SUPT3H: variants seen among roughly 807,000 people sequenced by gnomAD.
SUPT3H encodes SPT3 homolog, SAGA and STAGA complex component.
In SUPT3H, 44 loss-of-function variants were observed where a neutral mutation model predicts 44.3. The ratio of observed to expected loss-of-function variants is 0.99; its 90% CI spans 0.78 to 1.28. The LOEUF is 1.28. Ranked by LOEUF, SUPT3H falls within the 50% of genes most tolerant of loss-of-function variation. The probability of loss-of-function intolerance (pLI) is 0.00; values close to 1 mark genes in which losing one functional copy is unlikely to be tolerated. For synonymous variants in SUPT3H, 124 were observed against 125.6 expected, an observed-to-expected ratio of 0.99 and a Z score of 0.09; for missense variants, 380 against 387.1, an observed-to-expected ratio of 0.98 and a Z score of 0.15.
intron 5 of SUPT3H, among the ~76,000 whole-genome samples, chr6:45,011,710 T>C (rs1437579693): frequency 1.3e-5 from 2 of 152,142 alleles, no homozygotes; most frequent in African/African-American, 4.8e-5. Flanking sequence ...ATTATCTTTA[T>C]AAATGTGTGA....
At chr6:45,277,837 T>C (rs925483360) in intron 2 of SUPT3H, among the ~76,000 whole-genome samples, 1 of 152,192 alleles carries the variant, frequency 6.6e-6, no homozygotes, top group Non-Finnish European at 1.5e-5. Flanking sequence ...ATCACAGCTG[T>C]TACTTTTTCA....
intron 6 of SUPT3H, among the ~76,000 whole-genome samples, chr6:44,971,469 G>T (rs1777557434): frequency 6.6e-6 from 1 of 152,152 alleles, no homozygotes; most frequent in Non-Finnish European, 1.5e-5. Context: ...TTCTTCACGT[G>T]ATGGCAGGAA....
At chr6:45,207,670 C>T (rs1014529286) in intron 2 of SUPT3H, among the ~76,000 whole-genome samples, 4 of 152,228 alleles carry the variant, frequency 2.6e-5, no homozygotes, top group East Asian at 3.9e-4. Flanking sequence ...TCACTAGTTT[C>T]GCACCTGTTA....
rs577689595 is a variant in SUPT3H, at chr6:45,018,747, G to T, written c.273+1799C>A. ...TTTGATGTGCTGCTGGATTCAGTTT[G>T]CCAGTATTTTATTGAGGATTTTTGC... On this transcript the variant is annotated intron_variant, in intron 4 of 10. Transcript: ENST00000371459. 6.8e-4 allele frequency among the ~76,000 whole-genome samples: 103 copies of T among 152,130 alleles called. 1 individual carries two copies. In the South Asian group the frequency reaches 0.021, roughly 31 times the overall value.
In SUPT3H at chr6:45,377,189, C is replaced by T. The variant is rs577287439; in HGVS notation, c.-1+579G>A. 3 of 152,272 alleles carry T rather than the reference C, an allele frequency of 2.0e-5. No homozygotes were observed. The South Asian group carries it at 6.2e-4, about 32-fold the overall frequency. 9.4% of individuals were successfully genotyped at this position (152,272 alleles called of 1,614,324 possible). A position where few individuals can be genotyped will look rare whatever the true frequency, so the allele number is the denominator to read the frequency against. ...ACCTGGCGCTGTTCTAAGCGTTTAA[C>T]GTGTATTTTCTCATATAATCCTCAC... On this transcript the variant is annotated intron_variant, in intron 1 of 10. Coordinates refer to ENST00000371459, the MANE Select transcript of SUPT3H (RefSeq NM_003599.4).
At chr6:45,150,120 T>G (rs1228275835) in intron 2 of SUPT3H, among the ~76,000 whole-genome samples, 1 of 152,200 alleles carries the variant, frequency 6.6e-6, no homozygotes, top group Non-Finnish European at 1.5e-5. Context: ...TAATCATGAT[T>G]TCTTTAATGA....
chr6:44,907,047 T>C (rs1044152831), intron 10 of SUPT3H, among the ~76,000 whole-genome samples: 7 of 152,204 alleles, frequency 4.6e-5, no homozygotes, highest in Non-Finnish European at 1.0e-4. Flanking sequence ...AAGATACAAT[T>C]CTTTTAAAAA....
chr6:44,955,809 C>T (rs1047519917), intron 7 of SUPT3H, among the ~76,000 whole-genome samples: 1 of 152,080 alleles, frequency 6.6e-6, no homozygotes, highest in Non-Finnish European at 1.5e-5. Flanking sequence ...TGCACCAAAA[C>T]CTCAGAAATT....
At chr6:45,069,217 C>A (rs1198826668) in intron 3 of SUPT3H, among the ~76,000 whole-genome samples, 1 of 152,110 alleles carries the variant, frequency 6.6e-6, no homozygotes, top group African/African-American at 2.4e-5. Context: ...GTAAATACCA[C>A]AATAACAGTA....
chr6:44,863,510 A>G (rs530370160), intron 10 of SUPT3H, among the ~76,000 whole-genome samples: 1 of 152,290 alleles, frequency 6.6e-6, no homozygotes, highest in South Asian at 2.1e-4. Flanking sequence ...AGTATAATAT[A>G]TGACCAAAAA....
intron 3 of SUPT3H, chr6:45,098,725 A>G (rs544609352): frequency 2.3e-6 from 1 of 428,814 alleles, no homozygotes; most frequent in Admixed American, 2.6e-5. Flanking sequence ...GGTAGTCTGG[A>G]TAATACCCTT....
Position 45,158,275 on chromosome 6 carries a change from CATATAT to C in SUPT3H, c.102-52275_102-52270del, listed in dbSNP as rs70996305. Among the ~76,000 whole-genome samples the C allele has an allele frequency of 3.2e-5, 2 of 62,178 alleles. 1 individual carries two copies. Among genetic ancestry groups the C allele is most frequent in the African/African-American group, 2.5e-4 (2 of 7,948 alleles). 40.8% of individuals were successfully genotyped at this position (62,178 alleles called of 152,430 possible). A position where few individuals can be genotyped will look rare whatever the true frequency, so the allele number is the denominator to read the frequency against. On this transcript the variant is annotated intron_variant, in intron 2 of 10. Transcript: ENST00000371459. ...CCTATATTTTATATATATAAATATA[CATATAT>C]ATATATATATATATATATTTTTTTT... is the stretch of plus-strand genomic sequence containing the variant.
At chr6:45,352,095 AAAAT>A (rs1454177540) in intron 2 of SUPT3H, among the ~76,000 whole-genome samples, 5 of 152,326 alleles carry the variant, frequency 3.3e-5, no homozygotes, top group Admixed American at 3.3e-4. Context: ...GGCATAGCTG[AAAAT>A]AAATATTACC....
intron 2 of SUPT3H, among the ~76,000 whole-genome samples, chr6:45,280,865 C>A (rs1777914658): frequency 6.6e-6 from 1 of 152,158 alleles, no homozygotes; most frequent in Admixed American, 6.5e-5. Flanking sequence ...AGTGGTTAAA[C>A]ATTCCTAAAT....
intron 2 of SUPT3H, among the ~76,000 whole-genome samples, chr6:45,335,364 T>C (rs1404208739): frequency 6.6e-6 from 1 of 151,250 alleles, no homozygotes; most frequent in African/African-American, 2.4e-5. Flanking sequence ...TGTAATATGG[T>C]ATTACATTTT....
intron 10 of SUPT3H, among the ~76,000 whole-genome samples, chr6:44,840,840 ACT>A (rs1770818923): frequency 6.6e-6 from 1 of 152,120 alleles, no homozygotes; most frequent in African/African-American, 2.4e-5. Context: ...ACATATGGAG[ACT>A]CTATGCCTTC....
At chr6:45,266,173 A>T (rs201746147) in intron 2 of SUPT3H, among the ~76,000 whole-genome samples, 1 of 143,592 alleles carries the variant, frequency 7.0e-6, no homozygotes, top group Admixed American at 7.0e-5. Flanking sequence ...TTTTTTTTTT[A>T]AGAAAGAGAA....
rs552010126 is a variant in SUPT3H at position 45,051,110 on chromosome 6, C to T, written c.187-30478G>A. Among the ~76,000 whole-genome samples, 31 of 152,050 alleles carry T rather than the reference C, an allele frequency of 2.0e-4. 1 individual carries two copies. The South Asian group carries it at 5.2e-3, about 25-fold the overall frequency. The stretch of plus-strand genomic sequence containing the variant: ...TGTGTTAGTCAGGATAGGATGGTCT[C>T]GAACTCCTGACCTCGTGATCCACCC... On this transcript the variant is annotated intron_variant, in intron 3 of 10. Coordinates refer to ENST00000371459, the MANE Select transcript of SUPT3H (RefSeq NM_003599.4).
chr6:45,053,891 G>T (rs1790712737), intron 3 of SUPT3H, among the ~76,000 whole-genome samples: 1 of 149,016 alleles, frequency 6.7e-6, no homozygotes. Flanking sequence ...CTCCAGCCTG[G>T]GCAACAGAGC....
Sources: allele counts gnomAD v4.1 joint callset (sites outside exome capture counted in the v4.1 genomes callset), GRCh38; gene constraint gnomAD v4.1.1; transcripts MANE v1.5; gene names NCBI Gene and HGNC (gene_info 2026-07-23, HGNC 2026-07-21).